PTN: variants seen among roughly 807,000 people sequenced by gnomAD.
The protein encoded by PTN is heparin affin regulatory protein.
Under a neutral mutation model 24.1 loss-of-function variants are expected in PTN, and 18 were observed. That is an observed-to-expected ratio of 0.75 (90% CI 0.52 to 1.11). The LOEUF (loss-of-function observed/expected upper bound fraction) is 1.11, where lower values mean the gene tolerates loss of function less well. PTN is among the 50% of genes least tolerant of loss of function. PTN has a pLI of 0.00. For synonymous variants in PTN, 78 were observed against 68.6 expected, an observed-to-expected ratio of 1.14 and a Z score of -0.67; for missense variants, 163 against 198.8, an observed-to-expected ratio of 0.82 and a Z score of 1.08.
At chr7:137,256,533 A>T (rs1563201992) in intron 1 of PTN, among the ~76,000 whole-genome samples, 1 of 152,150 alleles carries the variant, frequency 6.6e-6, no homozygotes, top group Non-Finnish European at 1.5e-5. Flanking sequence ...TCCATTGTAT[A>T]TATGTACCAA....
chr7:137,281,698 A>G (rs1809477263), intron 1 of PTN, among the ~76,000 whole-genome samples: 2 of 152,232 alleles, frequency 1.3e-5, no homozygotes, highest in South Asian at 4.1e-4. Flanking sequence ...TAATGTATTT[A>G]TAGCCCAACT....
intron 4 of PTN, among the ~76,000 whole-genome samples, chr7:137,242,528 G>T (rs1289674682): frequency 6.6e-6 from 1 of 152,102 alleles, no homozygotes; most frequent in East Asian, 1.9e-4. Flanking sequence ...AGATAAACTT[G>T]GTAGCTGGCT....
Position 137,343,693 on chromosome 7 carries a change from T to C in PTN, c.-256A>G, listed in dbSNP as rs1810574705. ...GAACCTGATCCTGCCTTTGACTCAA[T>C]TACGCCCTGACAGGGAGGGAACGGA... On this transcript the variant is annotated 5_prime_UTR_variant, in exon 1 of 5. Transcript: ENST00000348225. 2 of 498,030 alleles carry C rather than the reference T, an allele frequency of 4.0e-6. No homozygotes were observed. Among genetic ancestry groups the C allele is most frequent in the Non-Finnish European group, 8.0e-6 (2 of 248,940 alleles). 30.9% of individuals were successfully genotyped at this position (498,030 alleles called of 1,614,324 possible).
At chr7:137,336,501 C>T (rs890803865) in intron 1 of PTN, among the ~76,000 whole-genome samples, 1 of 152,150 alleles carries the variant, frequency 6.6e-6, no homozygotes, top group African/African-American at 2.4e-5. Context: ...GGGATAAGGT[C>T]AAAGAGTCTG....
intron 1 of PTN, among the ~76,000 whole-genome samples, chr7:137,280,691 T>TAACAAAAAAAAAAAAAAAAAAAAAAA (rs760779128): frequency 6.8e-5 from 1 of 14,754 alleles, no homozygotes; most frequent in Non-Finnish European, 1.5e-4. Flanking sequence ...CCGTCTCTAC[T>TAACAAAAAAAAAAAAAAAAAAAAAAA]AAAAATACAA....
chr7:137,239,375 T>TTTAC (rs1326134578), intron 4 of PTN, among the ~76,000 whole-genome samples: 53 of 33,062 alleles, frequency 1.6e-3, no homozygotes, highest in African/African-American at 0.014. Context: ...AATTTTCTTT[T>TTTAC]TTATTTATTT....
At chr7:137,333,562 G>A (rs1810396043) in intron 1 of PTN, among the ~76,000 whole-genome samples, 1 of 152,124 alleles carries the variant, frequency 6.6e-6, no homozygotes, top group African/African-American at 2.4e-5. Flanking sequence ...TGGTATGGAA[G>A]GAAAGAGTCT....
chr7:137,303,430 A>G (rs978311820), intron 1 of PTN, among the ~76,000 whole-genome samples: 5 of 151,982 alleles, frequency 3.3e-5, no homozygotes, highest in African/African-American at 1.2e-4. Context: ...CATGAGACTT[A>G]TCTTAGTATG....
chr7:137,247,648 A>T (rs898957601), intron 4 of PTN, among the ~76,000 whole-genome samples: 12 of 152,208 alleles, frequency 7.9e-5, no homozygotes, highest in African/African-American at 2.9e-4. Flanking sequence ...AATAACGCAA[A>T]GAGTGTGATT....
chr7:137,278,268 C>T (rs1166268778), intron 1 of PTN, among the ~76,000 whole-genome samples: 9 of 125,370 alleles, frequency 7.2e-5, no homozygotes, highest in African/African-American at 1.2e-4. Flanking sequence ...GATCGCGCCA[C>T]TGCACTCCAG....
intron 1 of PTN, among the ~76,000 whole-genome samples, chr7:137,335,694 T>G (rs1810436154): frequency 6.6e-6 from 1 of 152,180 alleles, no homozygotes; most frequent in African/African-American, 2.4e-5. Context: ...TACTGAATTT[T>G]GGCAAAGACC....
At chr7:137,241,981 C>T (rs1000040939) in intron 4 of PTN, among the ~76,000 whole-genome samples, 1 of 152,188 alleles carries the variant, frequency 6.6e-6, no homozygotes, top group Non-Finnish European at 1.5e-5. Flanking sequence ...CCCAGCCTAG[C>T]AAAGCCCATC....
rs79700879 is a variant in PTN, at chr7:137,287,222, G to C, written c.-1-32248C>G. Among the ~76,000 whole-genome samples, 159 of 152,242 alleles carry C rather than the reference G, an allele frequency of 1.0e-3. 1 individual carries two copies. Among genetic ancestry groups the C allele is most frequent in the Non-Finnish European group, 2.0e-3 (137 of 68,002 alleles). On this transcript the variant is annotated intron_variant, in intron 1 of 4. Coordinates refer to ENST00000348225, the MANE Select transcript of PTN (RefSeq NM_002825.7). ...TTTGGTTAGTAAAAATGTTTCTGCT[G>C]CCTCCTTTGGCATTTCACATGCACA...
intron 1 of PTN, among the ~76,000 whole-genome samples, chr7:137,319,758 G>A (rs1179242974): frequency 6.6e-6 from 1 of 152,220 alleles, no homozygotes; most frequent in Non-Finnish European, 1.5e-5. Context: ...ACTTTTGCCG[G>A]AATGGGCTGG....
intron 4 of PTN, among the ~76,000 whole-genome samples, chr7:137,245,484 G>A (rs147680013): frequency 9.8e-4 from 149 of 152,250 alleles, no homozygotes; most frequent in Admixed American, 2.7e-3. Context: ...TTATAAAAGT[G>A]TAACACAGAC....
intron 4 of PTN, among the ~76,000 whole-genome samples, chr7:137,250,639 T>G (rs1808807982): frequency 6.6e-6 from 1 of 152,216 alleles, no homozygotes; most frequent in Non-Finnish European, 1.5e-5. Flanking sequence ...TGTTTTTACC[T>G]TCTCCAGCAA....
intron 1 of PTN, among the ~76,000 whole-genome samples, chr7:137,256,509 T>C (rs916185647): frequency 3.3e-5 from 5 of 152,246 alleles, no homozygotes; most frequent in Non-Finnish European, 2.9e-5. Context: ...TTCCTTGTTA[T>C]GGTTGCCTAG....
At chr7:137,315,901 T>C (rs903358890) in intron 1 of PTN, among the ~76,000 whole-genome samples, 6 of 152,216 alleles carry the variant, frequency 3.9e-5, no homozygotes, top group Admixed American at 2.6e-4. Context: ...GGTTTGCATA[T>C]TGAAAAAAAT....
At chr7:137,283,874 T>C (rs17169033) in intron 1 of PTN, among the ~76,000 whole-genome samples, 27,436 of 148,676 alleles carry the variant, frequency 0.18, 2,808 homozygotes, top group East Asian at 0.29. Flanking sequence ...CTCATACACA[T>C]AGTCCTACTC....
Sources: gnomAD v4.1 joint callset for allele counts (sites outside exome capture counted in the v4.1 genomes callset) on GRCh38, gnomAD v4.1.1 for gene constraint, MANE v1.5 for transcripts, NCBI Gene and HGNC (gene_info 2026-07-23, HGNC 2026-07-21) for gene names.